LYPD6: variants seen among roughly 807,000 people sequenced by gnomAD.
The protein encoded by LYPD6 is LY6/PLAUR domain containing 6, also known as ly6/PLAUR domain-containing protein 6.
In LYPD6, 15 loss-of-function variants were observed where a neutral mutation model predicts 22.7. That is an observed-to-expected ratio of 0.66 (90% CI 0.44 to 1.02). The LOEUF is 1.02. LYPD6 is among the 50% of genes least tolerant of loss of function. LYPD6 has a pLI of 0.00. For synonymous variants in LYPD6, 72 were observed against 77.5 expected, an observed-to-expected ratio of 0.93 and a Z score of 0.37; for missense variants, 189 against 208.4, an observed-to-expected ratio of 0.91 and a Z score of 0.57.
At chr2:149,465,663 T>C (rs907753562) in intron 3 of LYPD6, among the ~76,000 whole-genome samples, 1 of 152,220 alleles carries the variant, frequency 6.6e-6, no homozygotes, top group Admixed American at 6.5e-5. Flanking sequence ...GTTTCTGTTA[T>C]TAAAAACAAT....
Position 149,473,357 on chromosome 2 carries a change from C to T in LYPD6, c.*2507C>T, listed in dbSNP as rs546599550. On this transcript the variant is annotated 3_prime_UTR_variant, in exon 5 of 5. Transcript: ENST00000334166. ...TGAAAGAAAGTTATTTGCTCACTAT[C>T]CCCAGCCTCAAGGAGCCAAGGAAGA... 7.2e-5 allele frequency: 11 copies of T among 152,720 alleles called. No individual in the cohort carries two copies. Among genetic ancestry groups the T allele is most frequent in the Admixed American group, 7.2e-4 (11 of 15,298 alleles). 9.5% of individuals were successfully genotyped at this position (152,720 alleles called of 1,614,324 possible). A position where few individuals can be genotyped will look rare whatever the true frequency, so the allele number is the denominator to read the frequency against.
At chr2:149,390,962 C>T (rs1196687) in intron 1 of LYPD6, among the ~76,000 whole-genome samples, 79,694 of 152,044 alleles carry the variant, frequency 0.52, 23,567 homozygotes, top group East Asian at 0.78. Context: ...ATTGGTATCC[C>T]CATTTTATAG....
intron 1 of LYPD6, among the ~76,000 whole-genome samples, chr2:149,344,806 ACCT>A (rs1166848158): frequency 1.3e-5 from 2 of 152,088 alleles, no homozygotes; most frequent in Non-Finnish European, 2.9e-5. Flanking sequence ...TCTGAATTAG[ACCT>A]CCTCCTACAA....
intron 1 of LYPD6, among the ~76,000 whole-genome samples, chr2:149,349,863 G>A (rs1336134398): frequency 6.6e-6 from 1 of 152,026 alleles, no homozygotes; most frequent in Non-Finnish European, 1.5e-5. Flanking sequence ...ATGCTCCAAA[G>A]TAACTATATG....
chr2:149,461,337 C>A (rs1317431414), intron 3 of LYPD6, among the ~76,000 whole-genome samples: 1 of 151,770 alleles, frequency 6.6e-6, no homozygotes, highest in Non-Finnish European at 1.5e-5. Context: ...CAAAGTACCA[C>A]AATTCACTAA....
intron 1 of LYPD6, among the ~76,000 whole-genome samples, chr2:149,407,717 C>A (rs1325092181): frequency 6.6e-6 from 1 of 152,180 alleles, no homozygotes; most frequent in Admixed American, 6.5e-5. Flanking sequence ...TCATCTGAAG[C>A]CTTCTTCTCT....
chr2:149,330,541 G>GGC (rs1680912606), upstream of LYPD6: 2 of 149,992 alleles, frequency 1.3e-5, no homozygotes, highest in Non-Finnish European at 3.0e-5. Flanking sequence ...GAGTGGGAGT[G>GGC]GCGCGCGCGC....
rs79500248 is a variant in LYPD6 at position 149,369,883 on chromosome 2, G to A, written c.-72+39161G>A. Among the ~76,000 whole-genome samples, 1,334 of 152,168 alleles carry A rather than the reference G, an allele frequency of 8.8e-3. 23 individuals are homozygous for A. Among genetic ancestry groups the A allele is most frequent in the African/African-American group, 0.031 (1,278 of 41,506 alleles). ...AAGTATGCTTCTCTGTGGGGGAAGA[G>A]GAGGAACAGGCATTAAAGTGGGAGG... is the stretch of plus-strand genomic sequence containing the variant. On this transcript the variant is annotated intron_variant, in intron 1 of 4. Transcript: ENST00000334166.
chr2:149,402,145 T>G (rs1051596498), intron 1 of LYPD6, among the ~76,000 whole-genome samples: 6 of 151,910 alleles, frequency 3.9e-5, no homozygotes, highest in Admixed American at 6.6e-5. Context: ...AAAAAAAGAA[T>G]AATAGTCTCC....
At chr2:149,416,895 C>T (rs1339421837) in intron 1 of LYPD6, among the ~76,000 whole-genome samples, 2 of 152,108 alleles carry the variant, frequency 1.3e-5, no homozygotes, top group African/African-American at 2.4e-5. Flanking sequence ...ATGAGTGGTG[C>T]GATATGTGAT....
At chr2:149,330,918 C>G (rs1257352488) in intron 1 of LYPD6, among the ~76,000 whole-genome samples, 196 bp downstream of exon 1, 2 of 152,176 alleles carry the variant, frequency 1.3e-5, no homozygotes, top group African/African-American at 4.8e-5. Context: ...GCAGAGAGCC[C>G]CGCGAGTAGC....
intron 1 of LYPD6, among the ~76,000 whole-genome samples, chr2:149,347,537 A>G (rs1443602529): frequency 6.6e-6 from 1 of 152,198 alleles, no homozygotes; most frequent in Non-Finnish European, 1.5e-5. Context: ...TATTTTAAGA[A>G]TCAACCTAAA....
At chr2:149,465,655 TTC>T (rs1201668976) in intron 3 of LYPD6, among the ~76,000 whole-genome samples, 4 of 152,184 alleles carry the variant, frequency 2.6e-5, no homozygotes, top group African/African-American at 9.7e-5. Flanking sequence ...TAAATATAGT[TTC>T]TGTTATTAAA....
intron 1 of LYPD6, among the ~76,000 whole-genome samples, chr2:149,432,067 C>T (rs1172712394): frequency 6.6e-6 from 1 of 152,164 alleles, no homozygotes; most frequent in Non-Finnish European, 1.5e-5. Context: ...ATATACTTCA[C>T]AGCCACTAGG....
chr2:149,382,653 C>A (rs1682092198), intron 1 of LYPD6, among the ~76,000 whole-genome samples: 1 of 152,076 alleles, frequency 6.6e-6, no homozygotes, highest in African/African-American at 2.4e-5. Flanking sequence ...TAGCTTGATT[C>A]AAATCTTACA....
chr2:149,385,539 C>T (rs1041632531), intron 1 of LYPD6, among the ~76,000 whole-genome samples: 1 of 152,134 alleles, frequency 6.6e-6, no homozygotes, highest in African/African-American at 2.4e-5. Context: ...TAGCTGGTCT[C>T]CTCAGCCAGG....
At chr2:149,405,868 T>C (rs1682691927) in intron 1 of LYPD6, among the ~76,000 whole-genome samples, 1 of 148,350 alleles carries the variant, frequency 6.7e-6, no homozygotes, top group Non-Finnish European at 1.5e-5. Context: ...CTTGTGGGCA[T>C]TTAGTGCTAT....
At chr2:149,427,782 C>T (rs1340243890) in intron 1 of LYPD6, among the ~76,000 whole-genome samples, 1 of 152,224 alleles carries the variant, frequency 6.6e-6, no homozygotes, top group Non-Finnish European at 1.5e-5. Context: ...GTTCACACAA[C>T]ACCAAAATCA....
chr2:149,413,487 G>A lies in LYPD6; in HGVS notation c.-71-24151G>A, dbSNP rs540419233. ...GACTTACCACACTACAGTTTATCTG[G>A]CCCGAAATTCTTTTAGTTGTTCATC... On this transcript the variant is annotated intron_variant, in intron 1 of 4. Transcript: ENST00000334166. Among the ~76,000 whole-genome samples the A allele has an allele frequency of 7.2e-5, 11 of 152,210 alleles. 1 individual carries two copies. The South Asian group carries it at 2.3e-3, about 32-fold the overall frequency.
Sources: gnomAD v4.1 joint callset for allele counts (sites outside exome capture counted in the v4.1 genomes callset) on GRCh38, gnomAD v4.1.1 for gene constraint, MANE v1.5 for transcripts, NCBI Gene and HGNC (gene_info 2026-07-23, HGNC 2026-07-21) for gene names.